The following ALCAM variants were observed in gnomAD, a reference collection of about 807,000 sequenced individuals.
ALCAM encodes the protein activated leukocyte cell adhesion molecule.
ALCAM carries 30 observed loss-of-function variants against 70.9 expected under a neutral mutation model. That is an observed-to-expected ratio of 0.42 (90% CI 0.32 to 0.57). The LOEUF (loss-of-function observed/expected upper bound fraction) is 0.57, where lower values mean the gene tolerates loss of function less well. Among genes scored for constraint, ALCAM ranks in the 20% least tolerant of loss-of-function variants. The pLI is 0.11. For missense variants in ALCAM, 591 were observed against 695.1 expected (o/e 0.85, Z 1.68); for synonymous variants, 249 against 242.5 (o/e 1.03, Z -0.25).
intron 1 of ALCAM, among the ~76,000 whole-genome samples, chr3:105,397,445 T>A (rs1001073568): frequency 7.2e-5 from 11 of 151,970 alleles, no homozygotes; most frequent in African/African-American, 2.4e-4. Flanking sequence ...TTTAAATGGG[T>A]GACTAAATTT....
intron 1 of ALCAM, among the ~76,000 whole-genome samples, chr3:105,395,956 G>A (rs1935940228): frequency 6.6e-6 from 1 of 151,950 alleles, no homozygotes; most frequent in Non-Finnish European, 1.5e-5. Context: ...ACAGGGCAAG[G>A]TTTCTGATTG....
intron 1 of ALCAM, among the ~76,000 whole-genome samples, chr3:105,479,911 C>A (rs1938223462): frequency 6.6e-6 from 1 of 151,928 alleles, no homozygotes; most frequent in Non-Finnish European, 1.5e-5. Flanking sequence ...TATTTGTGAC[C>A]AGTCTACCAC....
chr3:105,564,610 A>G (rs1413519633), intron 14 of ALCAM, among the ~76,000 whole-genome samples: 1 of 152,172 alleles, frequency 6.6e-6, no homozygotes, highest in African/African-American at 2.4e-5. Context: ...TGCTAATTTC[A>G]TGGGTACAGA....
At chr3:105,369,637 C>T (rs1227387431) in intron 1 of ALCAM, among the ~76,000 whole-genome samples, 4 of 152,166 alleles carry the variant, frequency 2.6e-5, no homozygotes, top group Admixed American at 6.5e-5. Context: ...GGTGGGGGCG[C>T]GGTGCCAAAG....
In ALCAM at chr3:105,478,077, T is replaced by G. The variant is rs375101847; in HGVS notation, c.74-41990T>G. Among the ~76,000 whole-genome samples the G allele has an allele frequency of 6.6e-5, 10 of 152,232 alleles. No homozygotes were observed. The South Asian group carries it at 1.0e-3, about 16-fold the overall frequency. On this transcript the variant is annotated intron_variant, in intron 1 of 15. Coordinates refer to ENST00000306107, the MANE Select transcript of ALCAM (RefSeq NM_001627.4). Reference sequence around the variant, plus strand: ...ATCATTCTCCCTTGATTTTTTCCCCTGAAAATTGCTCATATTTCTCTGTTT... The same window carrying G: ...ATCATTCTCCCTTGATTTTTTCCCCGGAAAATTGCTCATATTTCTCTGTTT...
chr3:105,460,372 G>A (rs1396909355), intron 1 of ALCAM, among the ~76,000 whole-genome samples: 4 of 152,024 alleles, frequency 2.6e-5, no homozygotes, highest in Non-Finnish European at 4.4e-5. Context: ...TGCTTGTCTT[G>A]AGGGCTGCAT....
chr3:105,443,994 G>A (rs1937239208), intron 1 of ALCAM, among the ~76,000 whole-genome samples: 1 of 152,246 alleles, frequency 6.6e-6, no homozygotes. Flanking sequence ...TGCTGAACTT[G>A]TGTTATACCT....
At chr3:105,567,933 A>T (rs1225851552) in intron 14 of ALCAM, among the ~76,000 whole-genome samples, 1 of 151,988 alleles carries the variant, frequency 6.6e-6, no homozygotes, top group African/African-American at 2.4e-5. Flanking sequence ...AGACAATTAG[A>T]TTACTGGCTA....
chr3:105,483,668 T>A (rs1428340592), intron 1 of ALCAM, among the ~76,000 whole-genome samples: 1 of 152,004 alleles, frequency 6.6e-6, no homozygotes, highest in African/African-American at 2.4e-5. Context: ...CCTTAAAAGA[T>A]CCCTCTAAAA....
intron 1 of ALCAM, among the ~76,000 whole-genome samples, chr3:105,440,084 T>C (rs541248695): frequency 6.6e-6 from 1 of 152,328 alleles, no homozygotes; most frequent in South Asian, 2.1e-4. Context: ...ACTTAGTATT[T>C]ACAAGGAACT....
intron 1 of ALCAM, among the ~76,000 whole-genome samples, chr3:105,415,227 C>T (rs1936479449): frequency 6.6e-6 from 1 of 152,142 alleles, no homozygotes; most frequent in Non-Finnish European, 1.5e-5. Context: ...TACTTGCTTT[C>T]ATCCCTTTGG....
chr3:105,504,475 G>A (rs966163441), intron 1 of ALCAM, among the ~76,000 whole-genome samples: 2 of 152,210 alleles, frequency 1.3e-5, no homozygotes, highest in African/African-American at 4.8e-5. Flanking sequence ...CCAGAAGGAG[G>A]ATGAAGTGGG....
intron 1 of ALCAM, among the ~76,000 whole-genome samples, chr3:105,458,082 G>GAAAA (rs5851458): frequency 2.0e-5 from 3 of 146,916 alleles, no homozygotes; most frequent in Admixed American, 1.3e-4. Flanking sequence ...CACTTCAGGG[G>GAAAA]AAAAAAAAAA....
chr3:105,378,629 GTT>G (rs5851455), intron 1 of ALCAM, among the ~76,000 whole-genome samples: 19,992 of 134,988 alleles, frequency 0.15, 1,439 homozygotes, highest in Non-Finnish European at 0.19. Flanking sequence ...TTCTCAAATA[GTT>G]TTTTTTTTTT....
intron 1 of ALCAM, among the ~76,000 whole-genome samples, chr3:105,410,928 AG>A (rs1475276832): frequency 6.6e-6 from 1 of 152,072 alleles, no homozygotes; most frequent in Non-Finnish European, 1.5e-5. Context: ...TTCCCATTGT[AG>A]ACCTTTTTAA....
intron 1 of ALCAM, among the ~76,000 whole-genome samples, chr3:105,448,404 T>TAA (rs35702821): frequency 0.39 from 57,979 of 149,054 alleles, 11,121 homozygotes; most frequent in Middle Eastern, 0.45. Context: ...TAGTCTCCAT[T>TAA]AAAAAAAAAA....
intron 14 of ALCAM, among the ~76,000 whole-genome samples, chr3:105,571,059 T>C (rs1940850583): frequency 6.6e-6 from 1 of 152,184 alleles, no homozygotes; most frequent in Non-Finnish European, 1.5e-5. Context: ...AAATCTGATT[T>C]AATGTCTTAA....
At chr3:105,528,058 G>A (rs1939750513) in intron 3 of ALCAM, among the ~76,000 whole-genome samples, 1 of 152,162 alleles carries the variant, frequency 6.6e-6, no homozygotes, top group South Asian at 2.1e-4. Context: ...AGGGGTGATT[G>A]CTGACAAAGT....
At chr3:105,455,282 A>T (rs1045199513) in intron 1 of ALCAM, among the ~76,000 whole-genome samples, 3 of 151,748 alleles carry the variant, frequency 2.0e-5, no homozygotes, top group African/African-American at 7.3e-5. Flanking sequence ...TCTACTAAAA[A>T]TACAAAAAAA....
Sources: gnomAD v4.1 joint callset for allele counts (sites outside exome capture counted in the v4.1 genomes callset) on GRCh38, gnomAD v4.1.1 for gene constraint, MANE v1.5 for transcripts, NCBI Gene and HGNC (gene_info 2026-07-23, HGNC 2026-07-21) for gene names.